PTPN13: variants seen among roughly 807,000 people sequenced by gnomAD.
PTPN13 encodes protein tyrosine phosphatase non-receptor type 13.
A neutral mutation model predicts 284.0 loss-of-function variants in PTPN13; 191 were observed. The observed-to-expected ratio is 0.67, with a 90% CI of 0.60 to 0.76. The LOEUF is 0.76. Ranked by LOEUF, PTPN13 falls within the 30% of genes least tolerant of loss-of-function variation. The pLI, the probability that PTPN13 is intolerant of heterozygous loss-of-function variation, is 0.00. For missense variants in PTPN13, 2,797 were observed against 2,939.9 expected, an observed-to-expected ratio of 0.95 and a Z score of 1.12; for synonymous variants, 986 against 1,022.3, an observed-to-expected ratio of 0.96 and a Z score of 0.68.
At chr4:86,763,639 G>C (rs1323399662) in intron 24 of PTPN13, among the ~76,000 whole-genome samples, 1 of 152,210 alleles carries the variant, frequency 6.6e-6, no homozygotes, top group Non-Finnish European at 1.5e-5. Context: ...TGGGCACAGT[G>C]ACCCACATCT....
intron 7 of PTPN13, among the ~76,000 whole-genome samples, chr4:86,702,552 TAAC>T (rs1487745955): frequency 1.3e-5 from 2 of 152,268 alleles, no homozygotes; most frequent in East Asian, 3.9e-4. Context: ...AATATAAAAA[TAAC>T]TTTATAAATG....
In PTPN13 at chr4:86,722,283, A is replaced by G. The variant is rs1005777054; in HGVS notation, c.1457A>G (p.Glu486Gly). 1.2e-6 allele frequency: 2 copies of G among 1,613,872 alleles called. No individual in the cohort carries two copies. The highest frequency in any genetic ancestry group is 1.7e-5 in the Admixed American group (1 of 60,004). ...ATCATGCTAAAACGGCAAGAGGAAG[A>G]ACTGATGCAGCTACAAGCCAAAATG... is the stretch of plus-strand genomic sequence containing the variant. ...QEIMLKRQEE[E>G]LMQLQAKMAL... Residue 486 changes from glutamate to glycine, a missense_variant, in exon 10 of 48, where the codon GAA becomes GGA. Transcript: ENST00000411767.
chr4:86,692,435 T>A (rs1287172250), intron 5 of PTPN13, among the ~76,000 whole-genome samples: 2 of 152,196 alleles, frequency 1.3e-5, no homozygotes, highest in African/African-American at 4.8e-5. Flanking sequence ...TTCAGCAAAA[T>A]TCACTAATGG....
chr4:86,690,118 C>A, intron 5 of PTPN13: 1 of 164,130 alleles, frequency 6.1e-6, no homozygotes. Context: ...TAAACTCTCC[C>A]TCAAGAAACC....
At chr4:86,686,052 T>C (rs1262438044) in intron 3 of PTPN13, among the ~76,000 whole-genome samples, 1 of 152,206 alleles carries the variant, frequency 6.6e-6, no homozygotes, top group Non-Finnish European at 1.5e-5. Context: ...TGGAAATACC[T>C]ATTGATAAGT....
intron 1 of PTPN13, among the ~76,000 whole-genome samples, chr4:86,599,958 G>C (rs1165535555): frequency 6.6e-6 from 1 of 152,102 alleles, no homozygotes; most frequent in African/African-American, 2.4e-5. Flanking sequence ...ACTGAAAATA[G>C]TCATCATTTC....
intron 37 of PTPN13, among the ~76,000 whole-genome samples, 157 bp from the exon 38 acceptor site, chr4:86,784,308 A>G (rs540925130): frequency 9.2e-5 from 14 of 152,078 alleles, no homozygotes; most frequent in Non-Finnish European, 1.9e-4. Flanking sequence ...TGCACATTTA[A>G]TTGCACTGAT....
chr4:86,640,946 G>A lies in PTPN13; in HGVS notation c.115+5575G>A, dbSNP rs528861541. ...GTATTATCAGTAATACAGAGAGATT[G>A]AATTTGGTTTCTTTGGCAGTTTGAA... On this transcript the variant is annotated intron_variant, in intron 2 of 47. Transcript: ENST00000411767. 5.9e-4 allele frequency among the ~76,000 whole-genome samples: 90 copies of A among 152,228 alleles called. 1 individual carries two copies. Among genetic ancestry groups the A allele is most frequent in the Non-Finnish European group, 9.6e-4 (65 of 67,984 alleles).
At chr4:86,682,371 A>C (rs1005486830) in intron 3 of PTPN13, among the ~76,000 whole-genome samples, 22 of 152,200 alleles carry the variant, frequency 1.4e-4, no homozygotes, top group Admixed American at 1.3e-3. Flanking sequence ...ATAAAACCAC[A>C]AATTCCCTGG....
chr4:86,647,196 T>C (rs561759481), intron 2 of PTPN13, among the ~76,000 whole-genome samples: 5 of 152,298 alleles, frequency 3.3e-5, no homozygotes, highest in Admixed American at 3.3e-4. Flanking sequence ...GAACATCAAA[T>C]TGTACTCTTT....
At chr4:86,781,386 T>C (rs546132192) in intron 36 of PTPN13, among the ~76,000 whole-genome samples, 1 of 152,206 alleles carries the variant, frequency 6.6e-6, no homozygotes, top group Non-Finnish European at 1.5e-5. Flanking sequence ...TGAAATATAA[T>C]CTCCTTTTTT....
Position 86,745,125 on chromosome 4 carries a change from A to G in PTPN13, c.2647A>G (p.Ile883Val). 1.9e-6 allele frequency: 3 copies of G among 1,608,036 alleles called. No individual in the cohort carries two copies. Among genetic ancestry groups the G allele is most frequent in the Non-Finnish European group, 2.5e-6 (3 of 1,177,682 alleles). The change falls in exon 17 of 48, where the codon ATT (isoleucine) becomes GTT (valine). Residue 883 changes from isoleucine to valine, a missense_variant. Coordinates refer to ENST00000411767, the MANE Select transcript of PTPN13 (RefSeq NM_080683.3). ...ACAGAGCAACCAAGATGCCCAAGAT[A>G]TTGGTAAGGAGAAGCAGACTATTTC... ...ARQSNQDAQDIERASFRSLNL... is the reference protein window; with the variant it reads ...ARQSNQDAQDVERASFRSLNL...
intron 9 of PTPN13, among the ~76,000 whole-genome samples, chr4:86,721,855 A>G (rs1578495218): frequency 6.6e-6 from 1 of 150,594 alleles, no homozygotes; most frequent in Non-Finnish European, 1.5e-5. Context: ...AATCAATTCT[A>G]CACCTCAGCC....
rs560691656 is a variant in PTPN13 at position 86,670,045 on chromosome 4, A to G, written c.116-2320A>G. On this transcript the variant is annotated intron_variant, in intron 2 of 47. Transcript: ENST00000411767. ...TGTTAGAGGGATGTTACAGCACCAT[A>G]CATGCATCAGTCCCCAAGAGAAGAG... Among the ~76,000 whole-genome samples the G allele has an allele frequency of 5.3e-5, 8 of 151,838 alleles. No homozygotes were observed. The East Asian group carries it at 1.4e-3, about 26-fold the overall frequency.
intron 7 of PTPN13, among the ~76,000 whole-genome samples, chr4:86,711,497 G>A (rs746734097): frequency 6.6e-6 from 1 of 152,176 alleles, no homozygotes; most frequent in South Asian, 2.1e-4. Context: ...GATGTACTAA[G>A]GCTGATTTTA....
intron 24 of PTPN13, 104 bp downstream of exon 24, chr4:86,763,294 G>C: frequency 1.0e-6 from 1 of 1,003,220 alleles, no homozygotes; most frequent in Non-Finnish European, 1.5e-6. Context: ...CATTATTCTG[G>C]AAAAAAGAAA....
chr4:86,729,833 C>T lies in PTPN13; in HGVS notation c.1609-2567C>T, dbSNP rs573331968. ...TTTATTATTACCGACCTTCTGAAGC[C>T]TACTTCTGTCAACTTGCCAAAGTCA... On this transcript the variant is annotated intron_variant, in intron 10 of 47. Transcript: ENST00000411767. Among the ~76,000 whole-genome samples the T allele has an allele frequency of 1.1e-4, 16 of 149,832 alleles. 1 individual carries two copies. The South Asian group carries it at 3.4e-3, about 31-fold the overall frequency.
At chr4:86,663,320 G>A (rs1367594993) in intron 2 of PTPN13, among the ~76,000 whole-genome samples, 1 of 152,226 alleles carries the variant, frequency 6.6e-6, no homozygotes, top group East Asian at 1.9e-4. Context: ...CCATGGGGGG[G>A]TTTGCACTGT....
intron 1 of PTPN13, among the ~76,000 whole-genome samples, chr4:86,610,679 C>T (rs967775171): frequency 4.6e-5 from 7 of 152,180 alleles, no homozygotes; most frequent in Admixed American, 2.0e-4. Context: ...AATTTGTAAA[C>T]GTTGGAATGC....
Sources: gnomAD v4.1 joint callset for allele counts (sites outside exome capture counted in the v4.1 genomes callset) on GRCh38, gnomAD v4.1.1 for gene constraint, MANE v1.5 for transcripts, NCBI Gene and HGNC (gene_info 2026-07-23, HGNC 2026-07-21) for gene names.